Variants in HHIPL1 observed in about 807,000 individuals in gnomAD.
HHIPL1 encodes the protein HHIP like 1, also known as HHIP-like protein 1.
HHIPL1 carries 43 observed loss-of-function variants against 61.8 expected under a neutral mutation model. The observed-to-expected ratio is 0.70, with a 90% CI of 0.55 to 0.90. The LOEUF (loss-of-function observed/expected upper bound fraction) is 0.90, where lower values mean the gene tolerates loss of function less well. Ranked by LOEUF, HHIPL1 falls within the 40% of genes least tolerant of loss-of-function variation. The pLI is 0.00. For synonymous variants in HHIPL1, 482 were observed against 515.8 expected (o/e 0.93, Z 0.89); for missense variants, 1,056 against 1,157.7 (o/e 0.91, Z 1.28).
At chr14:99,639,097 G>A in the HHIPL1 span, among the ~76,000 whole-genome samples, 1 of 152,222 alleles carries the variant, frequency 6.6e-6, no homozygotes, top group African/African-American at 2.4e-5. Flanking sequence ...GTCATACCCT[G>A]GGAGCTCAAC....
chr14:99,616,117 A>G, the HHIPL1 span, among the ~76,000 whole-genome samples: 11 of 152,296 alleles, frequency 7.2e-5, no homozygotes, highest in African/African-American at 2.4e-4. Context: ...CCTGTCAGAT[A>G]ATATTGTGTT....
chr14:99,615,580 AAAG>A, the HHIPL1 span, among the ~76,000 whole-genome samples: 11 of 151,810 alleles, frequency 7.2e-5, no homozygotes, highest in Admixed American at 1.3e-4. Flanking sequence ...AGTTAAAAGA[AAAG>A]AAGAAAGAAA....
At chr14:99,663,060 G>T (rs2056180831) in intron 6 of HHIPL1, 39 bp downstream of exon 6, 1 of 1,555,888 alleles carries the variant, frequency 6.4e-7, no homozygotes. Context: ...GGTTGCTCGT[G>T]CCTGGGACTG....
At chr14:99,671,726 C>T (rs1367525593) in intron 7 of HHIPL1, among the ~76,000 whole-genome samples, 2 of 152,206 alleles carry the variant, frequency 1.3e-5, no homozygotes, top group African/African-American at 2.4e-5. Flanking sequence ...TTTTGTCTCC[C>T]TGCTCTCTCA....
the HHIPL1 span, among the ~76,000 whole-genome samples, chr14:99,612,187 G>T: frequency 6.6e-6 from 1 of 152,206 alleles, no homozygotes; most frequent in Non-Finnish European, 1.5e-5. Context: ...AATGAGAGCC[G>T]AGCGATGGGG....
chr14:99,614,976 C>A, the HHIPL1 span, among the ~76,000 whole-genome samples: 1 of 152,114 alleles, frequency 6.6e-6, no homozygotes, highest in Admixed American at 6.5e-5. Context: ...CCATACTGGG[C>A]ACATTATTGT....
In HHIPL1 at chr14:99,661,463, A is replaced by C. The variant is rs566425288; in HGVS notation, c.1502+1057A>C. ...GAAGGAAGGAAGGAGTACATGCTTA[A>C]TATATGGTGATTTTTTTTTTTTGAG... On this transcript the variant is annotated intron_variant, in intron 5 of 8. Coordinates refer to ENST00000330710, the MANE Select transcript of HHIPL1 (RefSeq NM_001127258.3). Among the ~76,000 whole-genome samples, 5 of 151,870 alleles carry C rather than the reference A, an allele frequency of 3.3e-5. No homozygotes were observed. In the South Asian group the frequency reaches 6.3e-4, roughly 19 times the overall value.
the HHIPL1 span, among the ~76,000 whole-genome samples, chr14:99,639,591 C>T: frequency 2.0e-5 from 3 of 152,202 alleles, no homozygotes; most frequent in African/African-American, 7.2e-5. Flanking sequence ...AAGCAATCTG[C>T]CTGCCTCAGC....
intron 1 of HHIPL1, among the ~76,000 whole-genome samples, chr14:99,651,897 G>A (rs149456660): frequency 1.3e-5 from 2 of 152,320 alleles, no homozygotes; most frequent in East Asian, 1.9e-4. Flanking sequence ...CTGTGCTGAT[G>A]TAGGGGCGGA....
chr14:99,641,419 T>G (rs2055749968), upstream of HHIPL1, among the ~76,000 whole-genome samples: 1 of 151,618 alleles, frequency 6.6e-6, no homozygotes, highest in East Asian at 1.9e-4. Flanking sequence ...TCTTTTTCTT[T>G]CTTTTTTTTT....
the HHIPL1 span, among the ~76,000 whole-genome samples, chr14:99,621,917 G>T: frequency 6.6e-6 from 1 of 151,738 alleles, no homozygotes; most frequent in East Asian, 1.9e-4. Context: ...GGGTTTCACC[G>T]TGTTGGCCAG....
In HHIPL1 at chr14:99,668,927, G is replaced by A. The variant is rs1379008030; in HGVS notation, c.1730+624G>A. On this transcript the variant is annotated intron_variant, in intron 7 of 8. Transcript: ENST00000330710. The surrounding 1 kb of genome is among the most constrained non-coding windows in gnomAD (Gnocchi z 4.7). ...CCGTTCATTTTACAGTGGTGGAAAT[G>A]AGCACAAAGACACGAAGTCATGGGC... 2 of 1,612,214 alleles carry A rather than the reference G, an allele frequency of 1.2e-6. No homozygotes were observed. Among genetic ancestry groups the A allele is most frequent in the Non-Finnish European group, 8.5e-7 (1 of 1,178,458 alleles).
chr14:99,675,373 T>A lies in HHIPL1; in HGVS notation c.2096T>A (p.Val699Glu). ...EVFVGGRWGT[V>E]CDDSWNISGA... is the part of the protein sequence containing the mutation. ...TTCGTGGGCGGACGCTGGGGCACCG[T>A]GTGCGACGACTCCTGGAACATCAGC... Residue 699 changes from valine to glutamate, a missense_variant, in exon 9 of 9, where the codon GTG becomes GAG. Val to Glu is a moderately radical substitution (Grantham distance 121). Coordinates refer to ENST00000330710, the MANE Select transcript of HHIPL1 (RefSeq NM_001127258.3). This position sits in a 1 kb window ranked among gnomAD's most constrained non-coding sequence, Gnocchi z 5.4. 6.6e-7 allele frequency: 1 copy of A among 1,513,076 alleles called. No homozygotes were observed. Among genetic ancestry groups the A allele is most frequent in the Non-Finnish European group, 8.8e-7 (1 of 1,132,630 alleles). The allele number at this position is 1,513,076 out of a possible 1,614,324, so 93.7% of individuals were successfully genotyped here.
Position 99,645,328 on chromosome 14 carries a change from C to T in HHIPL1, c.121C>T (p.Gln41Ter), listed in dbSNP as rs1459407926. Residue 41 changes from glutamine to a stop codon, truncating the protein, a stop_gained, in exon 1 of 9, where the codon CAG (glutamine) becomes TAG (stop). Transcript: ENST00000330710. LOFTEE classifies it high-confidence loss of function. ...RPTQPLRLCA[Q>*]YSDFGCCDEG... Reference sequence around the variant, plus strand: ...GACGCAGCCGCTGCGCCTCTGCGCGCAGTACTCGGACTTCGGCTGCTGCGA... The same window carrying T: ...GACGCAGCCGCTGCGCCTCTGCGCGTAGTACTCGGACTTCGGCTGCTGCGA... The T allele has an allele frequency of 2.1e-6, 3 of 1,459,482 alleles. No individual in the cohort carries two copies. Among genetic ancestry groups the T allele is most frequent in the Non-Finnish European group, 2.7e-6 (3 of 1,110,626 alleles). 90.4% of individuals were successfully genotyped at this position (1,459,482 alleles called of 1,614,324 possible).
chr14:99,676,175 T>TG lies in HHIPL1; in HGVS notation c.*553dup, dbSNP rs1206552425. 1 of 152,458 alleles carries TG rather than the reference T, an allele frequency of 6.6e-6. No homozygotes were observed. The highest frequency in any genetic ancestry group is 2.4e-5 in the African/African-American group (1 of 41,202). The allele number at this position is 152,458 out of a possible 1,614,324, so 9.4% of individuals were successfully genotyped here. On this transcript the variant is annotated 3_prime_UTR_variant, in exon 9 of 9. Coordinates refer to ENST00000330710, the MANE Select transcript of HHIPL1 (RefSeq NM_001127258.3). ...CTGGAGAGAACCGGAAGGCATCCAGTGGGGAAGGGAAAGCCTTCTGGAAGG... is the reference window on the plus strand; with the variant it reads ...CTGGAGAGAACCGGAAGGCATCCAGTGGGGGAAGGGAAAGCCTTCTGGAAGG...
chr14:99,674,730 T>G (rs1310806455), intron 8 of HHIPL1, among the ~76,000 whole-genome samples: 1 of 152,156 alleles, frequency 6.6e-6, no homozygotes. Flanking sequence ...CTTCCAGAGT[T>G]ATGAAGTGCC....
the HHIPL1 span, among the ~76,000 whole-genome samples, chr14:99,608,484 G>A: frequency 3.9e-5 from 6 of 152,160 alleles, no homozygotes; most frequent in Admixed American, 1.3e-4. Flanking sequence ...CTCATTGGGC[G>A]TGAACTTACA....
At chr14:99,661,387 G>C (rs916445259) in intron 5 of HHIPL1, among the ~76,000 whole-genome samples, 1 of 146,860 alleles carries the variant, frequency 6.8e-6, no homozygotes, top group African/African-American at 2.6e-5. Flanking sequence ...TGGAAAGAAA[G>C]AAAGAGAGAG....
chr14:99,616,753 C>A, the HHIPL1 span, among the ~76,000 whole-genome samples: 2 of 151,956 alleles, frequency 1.3e-5, no homozygotes, highest in African/African-American at 4.8e-5. Flanking sequence ...ATTATTGGAC[C>A]TCTCCTTGCG....
Sources: gnomAD v4.1 joint callset for allele counts (sites outside exome capture counted in the v4.1 genomes callset) on GRCh38, gnomAD v4.1.1 for gene constraint, Gnocchi (gnomAD v3.1) non-coding constraint, MANE v1.5 for transcripts, NCBI Gene and HGNC (gene_info 2026-07-23, HGNC 2026-07-21) for gene names.